ITPR1: variants seen among roughly 807,000 people sequenced by gnomAD.
ITPR1 encodes the protein inositol 1,4,5-trisphosphate receptor type 1, also known as inositol 1,4,5-trisphosphate-gated calcium channel ITPR1.
ITPR1 carries 96 observed loss-of-function variants against 318.4 expected under a neutral mutation model. That is an observed-to-expected ratio of 0.30 (90% CI 0.26 to 0.36). ITPR1 has a LOEUF of 0.36. ITPR1 is among the 10% of genes least tolerant of loss of function. ITPR1 has a pLI of 1.00. For synonymous variants in ITPR1, 1,312 were observed against 1,289.9 expected, an observed-to-expected ratio of 1.02 and a Z score of -0.37; for missense variants, 2,440 against 3,460.2, an observed-to-expected ratio of 0.71 and a Z score of 7.40.
rs563707767 is a variant in ITPR1, at chr3:4,625,581, G to A, written c.164-2182G>A. Reference sequence around the variant, plus strand: ...TTTTTATTTTTATTTTTTTGAGACAGAGTCTGGCTCTGTCGCCCAGGCTGG... The same window carrying A: ...TTTTTATTTTTATTTTTTTGAGACAAAGTCTGGCTCTGTCGCCCAGGCTGG... On this transcript the variant is annotated intron_variant, in intron 4 of 61. Transcript: ENST00000649015. 1.1e-3 allele frequency among the ~76,000 whole-genome samples: 162 copies of A among 152,180 alleles called. 2 individuals are homozygous for A. The highest frequency in any genetic ancestry group is 3.8e-3 in the African/African-American group (158 of 41,532).
At chr3:4,764,035 C>T (rs577205804) in intron 44 of ITPR1, among the ~76,000 whole-genome samples, 11 of 152,242 alleles carry the variant, frequency 7.2e-5, no homozygotes, top group Non-Finnish European at 1.5e-4. Context: ...TGGCCCTGCA[C>T]GGCCACCTTC....
At chr3:4,556,246 C>T (rs1463283049) in intron 4 of ITPR1, among the ~76,000 whole-genome samples, 1 of 152,170 alleles carries the variant, frequency 6.6e-6, no homozygotes, top group Non-Finnish European at 1.5e-5. Context: ...GCCTCTCTCT[C>T]TAGTAACACC....
chr3:4,718,270 T>C (rs1191280548), intron 40 of ITPR1, among the ~76,000 whole-genome samples: 1 of 152,272 alleles, frequency 6.6e-6, no homozygotes, highest in Non-Finnish European at 1.5e-5. Flanking sequence ...TCAAGCAAAC[T>C]GGACAAAAAC....
At chr3:4,661,382 G>A (rs111246613) in intron 14 of ITPR1, among the ~76,000 whole-genome samples, 133 of 152,278 alleles carry the variant, frequency 8.7e-4, no homozygotes, top group Non-Finnish European at 1.0e-3. Context: ...GATAATTTGG[G>A]CTGGGGAATG....
At chr3:4,687,582 G>A (rs115021756) in intron 30 of ITPR1, among the ~76,000 whole-genome samples, 99 of 152,194 alleles carry the variant, frequency 6.5e-4, no homozygotes, top group Admixed American at 1.2e-3. Flanking sequence ...GACTATTGTG[G>A]GCTGTAAGAA....
At chr3:4,542,985 G>T (rs1255019455) in intron 4 of ITPR1, among the ~76,000 whole-genome samples, 1 of 152,092 alleles carries the variant, frequency 6.6e-6, no homozygotes, top group Non-Finnish European at 1.5e-5. Context: ...ATGCATACTT[G>T]CTTCCTGCTC....
At chr3:4,585,234 G>T (rs182186848) in intron 4 of ITPR1, among the ~76,000 whole-genome samples, 1 of 152,192 alleles carries the variant, frequency 6.6e-6, no homozygotes, top group Admixed American at 6.5e-5. Context: ...CCTAATGCTG[G>T]GCCAAGCATA....
chr3:4,727,082 C>G, intron 41 of ITPR1, 44 bp from the exon 42 acceptor site: 1 of 1,489,206 alleles, frequency 6.7e-7, no homozygotes, highest in Non-Finnish European at 9.3e-7. Flanking sequence ...ATGGTAGTGT[C>G]TCCTTAGTGT....
At chr3:4,668,256 C>G (rs1057301790) in intron 18 of ITPR1, among the ~76,000 whole-genome samples, 9 of 150,618 alleles carry the variant, frequency 6.0e-5, no homozygotes, top group African/African-American at 2.2e-4. Context: ...TCCCCACCTC[C>G]CCCCTGCCCT....
chr3:4,673,085 TC>T, intron 20 of ITPR1, 50 bp from the exon 21 acceptor site: 1 of 1,566,986 alleles, frequency 6.4e-7, no homozygotes, highest in Non-Finnish European at 8.7e-7. Context: ...CCTTCATTCA[TC>T]CTGAATGATT....
At chr3:4,781,738 T>C (rs1293001865) in intron 49 of ITPR1, among the ~76,000 whole-genome samples, 1 of 152,134 alleles carries the variant, frequency 6.6e-6, no homozygotes, top group African/African-American at 2.4e-5. Context: ...ATTGCAGCAC[T>C]TTGGGAGGCT....
intron 44 of ITPR1, among the ~76,000 whole-genome samples, chr3:4,766,219 G>A (rs1575171461): frequency 6.6e-6 from 1 of 152,170 alleles, no homozygotes; most frequent in Non-Finnish European, 1.5e-5. Context: ...GTGTTGTTTT[G>A]CGTGTGTGCA....
At chr3:4,619,165 C>A (rs922438099) in intron 4 of ITPR1, among the ~76,000 whole-genome samples, 4 of 152,038 alleles carry the variant, frequency 2.6e-5, no homozygotes, top group Admixed American at 6.5e-5. Flanking sequence ...TTTGAGCCTT[C>A]TTTTTTCTTG....
At position 4,684,442 on chromosome 3, in the gene ITPR1, C is replaced by T. The variant is rs2094355231; in HGVS notation, c.3564+96C>T. The T allele has an allele frequency of 3.5e-6, 3 of 856,658 alleles. No individual in the cohort carries two copies. The East Asian group carries it at 7.9e-5, about 23-fold the overall frequency. The allele number at this position is 856,658 out of a possible 1,614,324, so 53.1% of individuals were successfully genotyped here. A position where few individuals can be genotyped will look rare whatever the true frequency, so the allele number is the denominator to read the frequency against. ...CAAGTTGAAGGTACACACATTTGAG[C>T]TTTTTTCTTCATGTGGTTTAACAGG... On this transcript the variant is annotated intron_variant, in intron 29 of 61. Coordinates refer to ENST00000649015, the MANE Select transcript of ITPR1 (RefSeq NM_001378452.1).
chr3:4,615,583 T>TCAC (rs2092356893), intron 4 of ITPR1, among the ~76,000 whole-genome samples: 1 of 151,670 alleles, frequency 6.6e-6, no homozygotes, highest in Non-Finnish European at 1.5e-5. Flanking sequence ...ACCATGTTGG[T>TCAC]CAGGCTGGTC....
chr3:4,596,955 C>T (rs1040836692), intron 4 of ITPR1, among the ~76,000 whole-genome samples: 6 of 152,178 alleles, frequency 3.9e-5, no homozygotes, highest in Non-Finnish European at 8.8e-5. Flanking sequence ...CAGGGGTTTG[C>T]CGCTTACTGT....
At chr3:4,745,743 T>C (rs1417280074) in intron 44 of ITPR1, among the ~76,000 whole-genome samples, 2 of 152,220 alleles carry the variant, frequency 1.3e-5, no homozygotes, top group Non-Finnish European at 2.9e-5. Flanking sequence ...TCTAGATTTC[T>C]GCTCAAATCC....
intron 4 of ITPR1, among the ~76,000 whole-genome samples, chr3:4,571,853 C>T (rs1479716999): frequency 2.0e-5 from 3 of 152,168 alleles, no homozygotes; most frequent in Non-Finnish European, 4.4e-5. Flanking sequence ...CTTGTTTCAT[C>T]TCTGCTCCTC....
rs114449662 is a variant in ITPR1, at chr3:4,771,078, C to T, written c.5979+2314C>T. ...TCCCCTATGCAGGTGTCACTGGTCT[C>T]TGCCAGCCTTGGAGTCCACAGGGGA... On this transcript the variant is annotated intron_variant, in intron 46 of 61. Transcript: ENST00000649015. Among the ~76,000 whole-genome samples the T allele has an allele frequency of 3.5e-3, 530 of 152,328 alleles. 1 individual carries two copies. The highest frequency in any genetic ancestry group is 0.012 in the African/African-American group (497 of 41,578).
Sources: gnomAD v4.1 joint callset for allele counts (sites outside exome capture counted in the v4.1 genomes callset) on GRCh38, gnomAD v4.1.1 for gene constraint, MANE v1.5 for transcripts, NCBI Gene and HGNC (gene_info 2026-07-23, HGNC 2026-07-21) for gene names.